Variants in ANKFN1 observed in about 807,000 individuals in gnomAD.
The protein encoded by ANKFN1 is ankyrin repeat and fibronectin type III domain containing 1, also known as ankyrin repeat and fibronectin type-III domain-containing protein 1.
Under a neutral mutation model 108.7 loss-of-function variants are expected in ANKFN1, and 74 were observed. That is an observed-to-expected ratio of 0.68 (90% confidence interval 0.56 to 0.83). The LOEUF (loss-of-function observed/expected upper bound fraction) is 0.83, where lower values mean the gene tolerates loss of function less well. Ranked by LOEUF, ANKFN1 falls within the 40% of genes least tolerant of loss-of-function variation. The pLI is 0.00. For synonymous variants in ANKFN1, 547 were observed against 516.2 expected (o/e 1.06, Z -0.81); for missense variants, 1,505 against 1,382.3 (o/e 1.09, Z -1.41).
intron 4 of ANKFN1, among the ~76,000 whole-genome samples, chr17:56,116,344 A>G (rs927749854): frequency 3.3e-5 from 5 of 152,122 alleles, no homozygotes; most frequent in Admixed American, 6.6e-5. Context: ...CACTCAAAGG[A>G]TTTACAATCC....
At chr17:56,203,979 A>G (rs1416751635) in intron 1 of ANKFN1, among the ~76,000 whole-genome samples, 1 of 152,112 alleles carries the variant, frequency 6.6e-6, no homozygotes, top group Non-Finnish European at 1.5e-5. Context: ...CCCTGAAATG[A>G]TATCTTAATG....
At chr17:56,276,061 C>T (rs961443214) in intron 3 of ANKFN1, among the ~76,000 whole-genome samples, 1 of 152,014 alleles carries the variant, frequency 6.6e-6, no homozygotes, top group South Asian at 2.1e-4. Context: ...ATTCCCCACC[C>T]TGTGTCCATG....
chr17:56,061,705 A>G (rs574009619), intron 4 of ANKFN1, among the ~76,000 whole-genome samples: 1 of 152,218 alleles, frequency 6.6e-6, no homozygotes, highest in Non-Finnish European at 1.5e-5. Flanking sequence ...ATTGTTCAAA[A>G]AACACCTCCT....
intron 2 of ANKFN1, among the ~76,000 whole-genome samples, chr17:56,221,503 C>CT (rs1034378322): frequency 6.6e-6 from 1 of 152,074 alleles, no homozygotes; most frequent in African/African-American, 2.4e-5. Flanking sequence ...GAAATTAATA[C>CT]TTTTTTTAAG....
chr17:56,181,920 C>T (rs741129), intron 1 of ANKFN1, among the ~76,000 whole-genome samples: 24,380 of 152,050 alleles, frequency 0.16, 2,173 homozygotes, highest in East Asian at 0.3. Context: ...TTAATTCTCA[C>T]AATATTTCAA....
intron 3 of ANKFN1, among the ~76,000 whole-genome samples, chr17:56,277,511 C>T (rs937535737): frequency 1.3e-5 from 2 of 152,082 alleles, no homozygotes; most frequent in South Asian, 2.1e-4. Context: ...TTGAATGCCT[C>T]ATGTACATTT....
intron 5 of ANKFN1, among the ~76,000 whole-genome samples, chr17:56,353,335 G>A (rs1032507323): frequency 1.3e-5 from 2 of 151,690 alleles, no homozygotes; most frequent in African/African-American, 2.4e-5. Context: ...CCCTGGGCAG[G>A]AGGTGATCCT....
chr17:56,242,828 A>G (rs943809100), intron 3 of ANKFN1, among the ~76,000 whole-genome samples: 33 of 152,246 alleles, frequency 2.2e-4, no homozygotes, highest in African/African-American at 7.2e-4. Flanking sequence ...CTATTAGGTT[A>G]AGAAAAAGTC....
At chr17:56,247,959 A>G (rs150232547) in intron 3 of ANKFN1, among the ~76,000 whole-genome samples, 5 of 152,330 alleles carry the variant, frequency 3.3e-5, no homozygotes, top group African/African-American at 1.2e-4. Flanking sequence ...TGGACAGAGC[A>G]GTGTCTTCCA....
chr17:56,064,166 G>A (rs992608565), intron 4 of ANKFN1, among the ~76,000 whole-genome samples: 1 of 151,240 alleles, frequency 6.6e-6, no homozygotes, highest in African/African-American at 2.4e-5. Context: ...AATCACTTCC[G>A]TATAAGATGT....
chr17:56,112,889 A>G (rs979920345), intron 4 of ANKFN1, among the ~76,000 whole-genome samples: 2 of 152,222 alleles, frequency 1.3e-5, no homozygotes, highest in African/African-American at 2.4e-5. Context: ...ATATATACAC[A>G]TGCATACATA....
rs563125469 is a variant in ANKFN1 at position 56,293,392 on chromosome 17, C to G, written c.54-32829C>G. ...AGCAAAAACAAACCCAACAACTTTTCAGGTTTGGTGTGTGTTTATGTTTGT... is the reference window on the plus strand; with the variant it reads ...AGCAAAAACAAACCCAACAACTTTTGAGGTTTGGTGTGTGTTTATGTTTGT... On this transcript the variant is annotated intron_variant, in intron 3 of 20. Transcript: ENST00000682825. 8.5e-5 allele frequency among the ~76,000 whole-genome samples: 13 copies of G among 152,276 alleles called. No homozygotes were observed. In the South Asian group the frequency reaches 2.5e-3, roughly 29 times the overall value.
chr17:56,422,641 A>G (rs892595877), intron 8 of ANKFN1, among the ~76,000 whole-genome samples: 1 of 151,784 alleles, frequency 6.6e-6, no homozygotes, highest in African/African-American at 2.4e-5. Context: ...CTTTTTTTTT[A>G]TTTTAAGCCT....
intron 20 of ANKFN1, among the ~76,000 whole-genome samples, chr17:56,500,705 G>A (rs1188259674): frequency 1.3e-5 from 2 of 152,146 alleles, no homozygotes; most frequent in African/African-American, 4.8e-5. Flanking sequence ...TTGTAGTTTA[G>A]GGAATTGCAA....
intron 4 of ANKFN1, among the ~76,000 whole-genome samples, chr17:56,058,586 T>C (rs779548230): frequency 2.0e-4 from 30 of 151,176 alleles, no homozygotes; most frequent in Non-Finnish European, 3.4e-4. Flanking sequence ...TCCCTCCCCT[T>C]GCCCCCTACC....
rs760608882 is a variant in ANKFN1, at chr17:56,457,895, G to A, written c.1473G>A (p.Leu491=). 6.2e-7 allele frequency: 1 copy of A among 1,613,870 alleles called. No homozygotes were observed. Among genetic ancestry groups the A allele is most frequent in the South Asian group, 1.1e-5 (1 of 91,028 alleles). Residue 491 remains leucine, a synonymous_variant, in exon 14 of 21, where the codon CTG becomes CTA. Transcript: ENST00000682825. ...LSCMWEDIRW[L]RQSIPISSSS... ...GTATGTGGGAAGATATAAGGTGGCT[G>A]AGGCAAAGCATACCAATATCCTCAT...
chr17:56,479,995 C>A (rs2050640361), intron 16 of ANKFN1, among the ~76,000 whole-genome samples: 1 of 152,218 alleles, frequency 6.6e-6, no homozygotes, highest in South Asian at 2.1e-4. Context: ...TTTCCTCCCA[C>A]TGCCATTCTT....
chr17:56,348,940 C>A (rs1247804395), intron 4 of ANKFN1, among the ~76,000 whole-genome samples: 1 of 152,116 alleles, frequency 6.6e-6, no homozygotes, highest in African/African-American at 2.4e-5. Flanking sequence ...ATATTCACTG[C>A]AGCACTATTC....
At chr17:56,372,900 A>G in intron 7 of ANKFN1, 60 bp downstream of exon 7, 1 of 1,527,142 alleles carries the variant, frequency 6.5e-7, no homozygotes, top group South Asian at 1.2e-5. Flanking sequence ...TGAGACAGCC[A>G]GGTCTTCTTT....
Sources: gnomAD v4.1 joint callset for allele counts (sites outside exome capture counted in the v4.1 genomes callset) on GRCh38, gnomAD v4.1.1 for gene constraint, MANE v1.5 for transcripts, NCBI Gene and HGNC (gene_info 2026-07-23, HGNC 2026-07-21) for gene names.